Variants in LRRC28 observed in about 807,000 individuals in gnomAD.
The protein encoded by LRRC28 is leucine rich repeat containing 28.
A neutral mutation model predicts 45.7 loss-of-function variants in LRRC28; 39 were observed. The observed-to-expected ratio is 0.85, with a 90% CI of 0.66 to 1.12. The LOEUF is 1.12. Ranked by LOEUF, LRRC28 falls within the 50% of genes most tolerant of loss-of-function variation. The pLI, the probability that LRRC28 is intolerant of heterozygous loss-of-function variation, is 0.00. For synonymous variants in LRRC28, 206 were observed against 178.8 expected, an observed-to-expected ratio of 1.15 and a Z score of -1.22; for missense variants, 435 against 438.5, an observed-to-expected ratio of 0.99 and a Z score of 0.07.
intron 6 of LRRC28, among the ~76,000 whole-genome samples, chr15:99,346,605 T>G (rs1308905193): frequency 1.3e-5 from 2 of 152,192 alleles, no homozygotes; most frequent in East Asian, 3.8e-4. Context: ...AACATTAATT[T>G]TTTTAGGGCA....
chr15:99,333,666 C>T (rs1956227330), intron 5 of LRRC28: 1 of 518,270 alleles, frequency 1.9e-6, no homozygotes, highest in Non-Finnish European at 3.5e-6. Context: ...TTCAGACTCA[C>T]CACTTTGTGT....
At chr15:99,289,944 A>AG (rs1232753850) in intron 5 of LRRC28, among the ~76,000 whole-genome samples, 1 of 140,618 alleles carries the variant, frequency 7.1e-6, no homozygotes, top group African/African-American at 2.6e-5. Flanking sequence ...CGTCTCAAAA[A>AG]AAAAAAAAAA....
chr15:99,374,984 A>T (rs952642151), intron 9 of LRRC28, among the ~76,000 whole-genome samples: 28 of 152,156 alleles, frequency 1.8e-4, no homozygotes, highest in African/African-American at 6.5e-4. Flanking sequence ...TCCCAGTCTT[A>T]AAGGGAAAAC....
chr15:99,383,895 T>A (rs1044534326), intron 9 of LRRC28, among the ~76,000 whole-genome samples: 1 of 152,152 alleles, frequency 6.6e-6, no homozygotes. Context: ...GAGTCAAGGC[T>A]TCTGTTAACC....
intron 2 of LRRC28, among the ~76,000 whole-genome samples, chr15:99,267,447 G>T (rs1228363500): frequency 6.6e-6 from 1 of 152,218 alleles, no homozygotes; most frequent in African/African-American, 2.4e-5. Context: ...TTGAATTCCA[G>T]AGCAAGGACT....
chr15:99,286,750 C>G (rs983019697), intron 3 of LRRC28: 1 of 152,230 alleles, frequency 6.6e-6, no homozygotes, highest in Non-Finnish European at 1.5e-5. Flanking sequence ...TTCTGTACCT[C>G]GACAGTTGAG....
At chr15:99,260,387 T>C (rs932050661) in intron 2 of LRRC28, among the ~76,000 whole-genome samples, 1 of 152,236 alleles carries the variant, frequency 6.6e-6, no homozygotes, top group Non-Finnish European at 1.5e-5. Flanking sequence ...TTATAATAGC[T>C]TATGGTAATA....
intron 2 of LRRC28, among the ~76,000 whole-genome samples, chr15:99,265,373 A>G (rs903830371): frequency 2.0e-5 from 3 of 152,142 alleles, no homozygotes; most frequent in Non-Finnish European, 2.9e-5. Flanking sequence ...AATACGGAGA[A>G]TGGAGGTGGG....
chr15:99,261,287 C>T (rs2152128654), intron 2 of LRRC28, among the ~76,000 whole-genome samples: 1 of 152,362 alleles, frequency 6.6e-6, no homozygotes, highest in East Asian at 1.9e-4. Context: ...GCAATCCTCT[C>T]TTTGTCCAGT....
intron 8 of LRRC28, among the ~76,000 whole-genome samples, chr15:99,362,604 G>A (rs1957234481): frequency 6.6e-6 from 1 of 152,166 alleles, no homozygotes; most frequent in South Asian, 2.1e-4. Flanking sequence ...TCAAGCAAAC[G>A]CTTGGTTTCA....
intron 5 of LRRC28, among the ~76,000 whole-genome samples, chr15:99,313,260 CA>C (rs1597320683): frequency 6.6e-6 from 1 of 151,950 alleles, no homozygotes; most frequent in East Asian, 1.9e-4. Context: ...ATGCACTTAC[CA>C]AAAGAGGCCC....
At chr15:99,318,901 A>T (rs1597334131) in intron 5 of LRRC28, among the ~76,000 whole-genome samples, 1 of 151,958 alleles carries the variant, frequency 6.6e-6, no homozygotes. Flanking sequence ...TCTATTTTTC[A>T]TGGTAATTTT....
At chr15:99,334,318 T>A (rs1440899772) in intron 6 of LRRC28, among the ~76,000 whole-genome samples, 189 bp downstream of exon 6, 1 of 152,186 alleles carries the variant, frequency 6.6e-6, no homozygotes, top group Non-Finnish European at 1.5e-5. Flanking sequence ...TGAGGGATTT[T>A]ATACTTTAAA....
chr15:99,304,482 G>A lies in LRRC28; in HGVS notation c.385+16531G>A, dbSNP rs1418990397. Among the ~76,000 whole-genome samples, 9 of 151,976 alleles carry A rather than the reference G, an allele frequency of 5.9e-5. No homozygotes were observed. In the East Asian group the frequency reaches 1.2e-3, roughly 20 times the overall value. On this transcript the variant is annotated intron_variant, in intron 5 of 9. Coordinates refer to ENST00000301981, the MANE Select transcript of LRRC28 (RefSeq NM_144598.5). ...GTCTTACTCTGTCACCCAGGCTGGG[G>A]TGCAGTGATGTGATCTCCGCTCACT...
chr15:99,347,404 C>T (rs750936231), intron 6 of LRRC28, among the ~76,000 whole-genome samples: 5 of 152,098 alleles, frequency 3.3e-5, no homozygotes, highest in South Asian at 2.1e-4. Context: ...AGAGACGGTT[C>T]CACCGTATTA....
chr15:99,257,031 C>A (rs1597143533), intron 2 of LRRC28, among the ~76,000 whole-genome samples: 1 of 152,172 alleles, frequency 6.6e-6, no homozygotes. Context: ...TGCTAAATAT[C>A]TGGAAATTGT....
intron 7 of LRRC28, 58 bp from the exon 8 acceptor site, chr15:99,361,278 G>A (rs763380410): frequency 9.3e-5 from 141 of 1,511,790 alleles, no homozygotes; most frequent in Middle Eastern, 9.3e-4. Context: ...ACATTTTATT[G>A]GCACCCATAT....
At chr15:99,337,485 A>G (rs762436209) in intron 6 of LRRC28, among the ~76,000 whole-genome samples, 43 of 152,242 alleles carry the variant, frequency 2.8e-4, no homozygotes, top group Non-Finnish European at 5.7e-4. Context: ...CACCATGCTA[A>G]TGGCCGGTGT....
At chr15:99,382,128 G>A (rs1407207305) in intron 9 of LRRC28, among the ~76,000 whole-genome samples, 3 of 152,374 alleles carry the variant, frequency 2.0e-5, no homozygotes, top group African/African-American at 4.8e-5. Context: ...TGCCCCGAGA[G>A]GTGGAGTCTA....
Sources: gnomAD v4.1 joint callset for allele counts (sites outside exome capture counted in the v4.1 genomes callset) on GRCh38, gnomAD v4.1.1 for gene constraint, MANE v1.5 for transcripts, NCBI Gene and HGNC (gene_info 2026-07-23, HGNC 2026-07-21) for gene names.